Variants in PPP2R3A observed in about 807,000 individuals in gnomAD.
PPP2R3A encodes the protein serine/threonine-protein phosphatase 2A regulatory subunit B'' subunit alpha.
A neutral mutation model predicts 106.9 loss-of-function variants in PPP2R3A; 80 were observed. That is an observed-to-expected ratio of 0.75 (90% CI 0.62 to 0.90). The LOEUF (loss-of-function observed/expected upper bound fraction) is 0.90, where lower values mean the gene tolerates loss of function less well. Ranked by LOEUF, PPP2R3A falls within the 40% of genes least tolerant of loss-of-function variation. The pLI is 0.00. For synonymous variants in PPP2R3A, 483 were observed against 468.3 expected, an observed-to-expected ratio of 1.03 and a Z score of -0.41; for missense variants, 1,386 against 1,350.4, an observed-to-expected ratio of 1.03 and a Z score of -0.41.
intron 5 of PPP2R3A, among the ~76,000 whole-genome samples, chr3:136,070,130 A>G (rs994384460): frequency 6.6e-6 from 1 of 152,202 alleles, no homozygotes; most frequent in Admixed American, 6.5e-5. Flanking sequence ...TTTCTGTGTA[A>G]ATACACTTTA....
In PPP2R3A at chr3:136,043,876, A is replaced by C. The variant is rs547469316; in HGVS notation, c.2366+2914A>C. 8.3e-4 allele frequency among the ~76,000 whole-genome samples: 127 copies of C among 152,330 alleles called. 1 individual carries two copies. The highest frequency in any genetic ancestry group is 7.7e-3 in the South Asian group (37 of 4,830). ...TTCTTTAGCTTTCATGACTTTTATC[A>C]TCTTTTCTCCTGCCATAGAGTTGAC... On this transcript the variant is annotated intron_variant, in intron 4 of 13. Coordinates refer to ENST00000264977, the MANE Select transcript of PPP2R3A (RefSeq NM_002718.5).
chr3:136,091,275 G>A (rs1937088945), intron 10 of PPP2R3A, among the ~76,000 whole-genome samples: 1 of 152,154 alleles, frequency 6.6e-6, no homozygotes, highest in South Asian at 2.1e-4. Context: ...GTACTTGCAG[G>A]TACAGCTAAC....
At chr3:136,133,940 A>G (rs1364765813) in intron 13 of PPP2R3A, among the ~76,000 whole-genome samples, 1 of 151,558 alleles carries the variant, frequency 6.6e-6, no homozygotes, top group Non-Finnish European at 1.5e-5. Flanking sequence ...AACACTTAAA[A>G]TTGGTAAAAT....
intron 10 of PPP2R3A, among the ~76,000 whole-genome samples, chr3:136,100,996 G>A (rs928487655): frequency 1.3e-4 from 20 of 152,132 alleles, no homozygotes; most frequent in Admixed American, 7.2e-4. Context: ...TAGAGAATGC[G>A]CAGAGTAACA....
intron 10 of PPP2R3A, among the ~76,000 whole-genome samples, chr3:136,092,110 C>T (rs1282791383): frequency 6.6e-6 from 1 of 152,114 alleles, no homozygotes; most frequent in East Asian, 1.9e-4. Context: ...GGGCAGATCA[C>T]CTGAGATCAG....
chr3:136,076,938 C>T (rs1191832501), intron 6 of PPP2R3A, among the ~76,000 whole-genome samples: 3 of 148,506 alleles, frequency 2.0e-5, no homozygotes, highest in Admixed American at 6.7e-5. Flanking sequence ...CAGGGTGAGA[C>T]TCCGTCTCAG....
rs1312237347 is a variant in PPP2R3A, at chr3:136,146,907, T to C, written c.*1741T>C. ...TACTTTTCTTAGAAGCCAGATATGG[T>C]TTAAATGTTTTATTATCCATAATGA... is the stretch of plus-strand genomic sequence containing the variant. On this transcript the variant is annotated 3_prime_UTR_variant, in exon 14 of 14. Coordinates refer to ENST00000264977, the MANE Select transcript of PPP2R3A (RefSeq NM_002718.5). 1 of 151,966 alleles carries C rather than the reference T, an allele frequency of 6.6e-6. No individual in the cohort carries two copies. Among genetic ancestry groups the C allele is most frequent in the Admixed American group, 6.6e-5 (1 of 15,240 alleles). The allele number at this position is 151,966 out of a possible 1,614,324, so 9.4% of individuals were successfully genotyped here. A position where few individuals can be genotyped will look rare whatever the true frequency, so the allele number is the denominator to read the frequency against.
intron 1 of PPP2R3A, among the ~76,000 whole-genome samples, chr3:135,995,447 A>ATTTTTTTTTTT (rs60359404): frequency 2.3e-5 from 2 of 87,326 alleles, no homozygotes; most frequent in African/African-American, 4.6e-5. Context: ...ACGTTGACAG[A>ATTTTTTTTTTT]TTTTTTTTTT....
At chr3:135,974,899 C>T (rs1937369214) in intron 1 of PPP2R3A, among the ~76,000 whole-genome samples, 1 of 152,186 alleles carries the variant, frequency 6.6e-6, no homozygotes, top group Admixed American at 6.5e-5. Context: ...TCATTAAGGG[C>T]TTAGGAATCC....
intron 10 of PPP2R3A, among the ~76,000 whole-genome samples, chr3:136,095,437 C>T (rs1254909102): frequency 6.6e-6 from 1 of 152,146 alleles, no homozygotes; most frequent in Non-Finnish European, 1.5e-5. Flanking sequence ...ATCCTCATAT[C>T]ACTATGAGTT....
At chr3:136,128,762 T>G (rs1459856303) in intron 13 of PPP2R3A, among the ~76,000 whole-genome samples, 1 of 152,142 alleles carries the variant, frequency 6.6e-6, no homozygotes, top group African/African-American at 2.4e-5. Context: ...GACCACATAG[T>G]TGGAAGTAAA....
intron 4 of PPP2R3A, among the ~76,000 whole-genome samples, chr3:136,047,904 C>CA (rs1168406998): frequency 3.6e-3 from 373 of 104,592 alleles, no homozygotes; most frequent in Middle Eastern, 6.0e-3. Flanking sequence ...GACTCCGTCT[C>CA]AAAAAAAAAA....
At chr3:136,032,758 T>G (rs1235965433) in intron 3 of PPP2R3A, among the ~76,000 whole-genome samples, 1 of 152,060 alleles carries the variant, frequency 6.6e-6, no homozygotes, top group African/African-American at 2.4e-5. Context: ...ATGGTCTCGA[T>G]CTCCTGACCT....
chr3:136,061,936 A>AC (rs1403027815), intron 5 of PPP2R3A, among the ~76,000 whole-genome samples: 2 of 151,808 alleles, frequency 1.3e-5, no homozygotes, highest in African/African-American at 4.8e-5. Flanking sequence ...CAAAAAAAAA[A>AC]AAAAAAAAAA....
At chr3:136,131,676 G>A (rs1424981893) in intron 13 of PPP2R3A, among the ~76,000 whole-genome samples, 1 of 152,144 alleles carries the variant, frequency 6.6e-6, no homozygotes, top group African/African-American at 2.4e-5. Context: ...TATACCCAAA[G>A]GATTATACAT....
At chr3:136,056,361 A>C (rs537442955) in intron 5 of PPP2R3A, among the ~76,000 whole-genome samples, 85 of 152,316 alleles carry the variant, frequency 5.6e-4, no homozygotes, top group Non-Finnish European at 4.7e-4. Context: ...TATCAGTTTA[A>C]TTTTAACAAG....
intron 5 of PPP2R3A, among the ~76,000 whole-genome samples, chr3:136,065,218 T>C (rs1396834657): frequency 2.0e-5 from 3 of 152,206 alleles, no homozygotes; most frequent in Non-Finnish European, 4.4e-5. Context: ...TCCACATGTT[T>C]CCTAGCAAAG....
At chr3:135,969,010 A>G (rs771913598) in intron 1 of PPP2R3A, among the ~76,000 whole-genome samples, 4 of 152,196 alleles carry the variant, frequency 2.6e-5, no homozygotes, top group Non-Finnish European at 5.9e-5. Flanking sequence ...TGCTACGAAT[A>G]TGCTGTTTCA....
At chr3:135,994,556 G>C (rs1237502190) in intron 1 of PPP2R3A, among the ~76,000 whole-genome samples, 1 of 151,982 alleles carries the variant, frequency 6.6e-6, no homozygotes, top group Non-Finnish European at 1.5e-5. Flanking sequence ...GGTTGTGCAG[G>C]GTATGAACTG....
Sources: allele counts gnomAD v4.1 joint callset (sites outside exome capture counted in the v4.1 genomes callset), GRCh38; gene constraint gnomAD v4.1.1; transcripts MANE v1.5; gene names NCBI Gene and HGNC (gene_info 2026-07-23, HGNC 2026-07-21).